The following TTC31 variants were observed in gnomAD, a reference collection of about 807,000 sequenced individuals.
TTC31 encodes the protein tetratricopeptide repeat domain 31, also known as tetratricopeptide repeat protein 31.
TTC31 carries 59 observed loss-of-function variants against 60.4 expected under a neutral mutation model. The ratio of observed to expected loss-of-function variants is 0.98; its 90% CI spans 0.79 to 1.21. TTC31 has a LOEUF of 1.21. Among genes scored for constraint, TTC31 ranks in the 50% most tolerant of loss-of-function variants. The probability of loss-of-function intolerance (pLI) is 0.00; values close to 1 mark genes in which losing one functional copy is unlikely to be tolerated. For synonymous variants in TTC31, 225 were observed against 249.6 expected (o/e 0.90, Z 0.93); for missense variants, 672 against 646.9 (o/e 1.04, Z -0.42).
chr2:74,491,670 C>T lies in TTC31; in HGVS notation c.874C>T (p.Gln292Ter). Residue 292 changes from glutamine (Q) to a stop codon, truncating the protein, a stop_gained and splice_region_variant, in exon 8 of 13, where the codon CAG becomes TAG. Transcript: ENST00000233623. LOFTEE classifies it high-confidence loss of function. ...EERPQQSPKV[Q>*]ASPGLLAAAL... ...GAGGCCCCAGCAGAGTCCAAAGGTACAGGTGAGGTGGCTGAAGAACCTTAT... is the reference window on the plus strand; with the variant it reads ...GAGGCCCCAGCAGAGTCCAAAGGTATAGGTGAGGTGGCTGAAGAACCTTAT... 3 of 1,613,958 alleles carry T rather than the reference C, an allele frequency of 1.9e-6. No homozygotes were observed. The highest frequency in any genetic ancestry group is 1.7e-6 in the Non-Finnish European group (2 of 1,179,916).
Position 74,493,961 on chromosome 2 carries a change from C to T in TTC31, c.*743C>T, listed in dbSNP as rs528526615. 2 of 152,354 alleles carry T rather than the reference C, an allele frequency of 1.3e-5. No individual in the cohort carries two copies. The highest frequency in any genetic ancestry group is 2.1e-4 in the South Asian group (1 of 4,830). The allele number at this position is 152,354 out of a possible 1,614,324, so 9.4% of individuals were successfully genotyped here. On this transcript the variant is annotated 3_prime_UTR_variant, in exon 13 of 13. Coordinates refer to ENST00000233623, the MANE Select transcript of TTC31 (RefSeq NM_022492.6). ...CAACCTTGGCCACTCTGTTTCTCCA[C>T]CCCAGCACTGGGCATGGTAATTAGC...
rs1029215634 is a variant in TTC31, at chr2:74,491,928, A to G, written c.877-76A>G. On this transcript the variant is annotated intron_variant, in intron 8 of 12. Coordinates refer to ENST00000233623, the MANE Select transcript of TTC31 (RefSeq NM_022492.6). ...GTTGGGTAATGCTAATTGCAGTGTT[A>G]CCTGTTTAAACAAAGGAGAAGGATT... is the stretch of plus-strand genomic sequence containing the variant. 15 of 1,607,934 alleles carry G rather than the reference A, an allele frequency of 9.3e-6. No homozygotes were observed. The African/African-American group carries it at 1.9e-4, about 20-fold the overall frequency.
chr2:74,484,322 T>C (rs1403924044), intron 2 of TTC31, among the ~76,000 whole-genome samples: 3 of 152,040 alleles, frequency 2.0e-5, no homozygotes, highest in African/African-American at 7.2e-5. Flanking sequence ...TGAGAGAACT[T>C]TACCAAAGTG....
chr2:74,492,878 C>G (rs1674095812), intron 12 of TTC31, 44 bp from the exon 13 acceptor site: 4 of 1,580,138 alleles, frequency 2.5e-6, no homozygotes, highest in Non-Finnish European at 3.5e-6. Flanking sequence ...ATGGGCTCTC[C>G]TGCTTAAAAG....
chr2:74,489,997 C>T, intron 2 of TTC31, 28 bp from the exon 3 acceptor site: 3 of 1,373,194 alleles, frequency 2.2e-6, no homozygotes, highest in South Asian at 1.3e-5. Context: ...CCAACACCAG[C>T]CTCCCCTCCC....
intron 2 of TTC31, among the ~76,000 whole-genome samples, chr2:74,489,049 C>T (rs550206947): frequency 1.1e-4 from 17 of 152,264 alleles, no homozygotes; most frequent in Middle Eastern, 3.4e-3. Flanking sequence ...GAGCAAGAAT[C>T]CACCTCAAAA....
At position 74,491,655 on chromosome 2, in the gene TTC31, C is replaced by G. The variant is rs1673906640; in HGVS notation, c.859C>G (p.Gln287Glu). The G allele has an allele frequency of 6.2e-7, 1 of 1,614,004 alleles. No individual in the cohort carries two copies. The highest frequency in any genetic ancestry group is 1.3e-5 in the African/African-American group (1 of 74,918). The change falls in exon 8 of 13, where the codon CAG becomes GAG. Residue 287 changes from glutamine (Q) to glutamate (E), a missense_variant. Gln to Glu is a conservative substitution (Grantham distance 29). Coordinates refer to ENST00000233623, the MANE Select transcript of TTC31 (RefSeq NM_022492.6). Reference protein sequence around the residue: ...ESPPREERPQQSPKVQASPGL... With the variant: ...ESPPREERPQESPKVQASPGL... ...CCCTCCAAGAGAGGAGAGGCCCCAG[C>G]AGAGTCCAAAGGTACAGGTGAGGTG... is the stretch of plus-strand genomic sequence containing the variant.
chr2:74,483,498 G>A (rs577023398), intron 2 of TTC31, 88 bp downstream of exon 2: 1 of 1,596,224 alleles, frequency 6.3e-7, no homozygotes, highest in Non-Finnish European at 8.5e-7. Context: ...CGACGGATGG[G>A]CGCCAGACGG....
Position 74,483,429 on chromosome 2 carries a change from T to C in TTC31, c.129+19T>C. Reference sequence around the variant, plus strand: ...CGAAGAGGTAAAAGCGACCCTCAGTTTCCCCCAGTCCTGCTCATTTTGGTC... The same window carrying C: ...CGAAGAGGTAAAAGCGACCCTCAGTCTCCCCCAGTCCTGCTCATTTTGGTC... On this transcript the variant is annotated intron_variant, in intron 2 of 12. Transcript: ENST00000233623. The C allele has an allele frequency of 6.2e-7, 1 of 1,614,130 alleles. No homozygotes were observed. The highest frequency in any genetic ancestry group is 8.5e-7 in the Non-Finnish European group (1 of 1,180,004).
rs765794063 is a variant in TTC31, at chr2:74,483,352, A to C, written c.71A>C (p.Glu24Ala). 21 of 1,613,890 alleles carry C rather than the reference A, an allele frequency of 1.3e-5. No individual in the cohort carries two copies. The South Asian group carries it at 1.8e-4, about 13-fold the overall frequency. ...TCTCTACGGCCCAGCTGCCCACTGG[A>C]GGTCGCTGCTGCACCCAAACTTTGC... is the stretch of plus-strand genomic sequence containing the variant. ...DCSLRPSCPL[E>A]VAAAPKLCKE... Residue 24 changes from glutamate (E) to alanine (A), a missense_variant, in exon 2 of 13, where the codon GAG becomes GCG. Glu to Ala is a moderately radical substitution (Grantham distance 107). Coordinates refer to ENST00000233623, the MANE Select transcript of TTC31 (RefSeq NM_022492.6).
At chr2:74,483,941 A>T (rs1488144653) in intron 2 of TTC31, among the ~76,000 whole-genome samples, 2 of 129,538 alleles carry the variant, frequency 1.5e-5, no homozygotes, top group Non-Finnish European at 3.4e-5. Flanking sequence ...GACTCTGTCT[A>T]AAAAAAAAAA....
chr2:74,486,466 T>C (rs1673118464), intron 2 of TTC31, among the ~76,000 whole-genome samples: 1 of 152,002 alleles, frequency 6.6e-6, no homozygotes, highest in Non-Finnish European at 1.5e-5. Flanking sequence ...TTCAACAAAT[T>C]AGGAGCATCT....
chr2:74,491,384 C>A lies in TTC31; in HGVS notation c.684+9C>A. On this transcript the variant is annotated intron_variant, in intron 7 of 12. Transcript: ENST00000233623. ...AGTGTGGTGAAGAAGAGGTGAGAGCCCCTTTTTTCCCTTCTTGGTCTCTGC... is the reference window on the plus strand; with the variant it reads ...AGTGTGGTGAAGAAGAGGTGAGAGCACCTTTTTTCCCTTCTTGGTCTCTGC... 6.2e-7 allele frequency: 1 copy of A among 1,614,198 alleles called. No individual in the cohort carries two copies. Among genetic ancestry groups the A allele is most frequent in the East Asian group, 2.2e-5 (1 of 44,888 alleles).
At position 74,493,822 on chromosome 2, in the gene TTC31, A is replaced by T. The variant is rs2104286975; in HGVS notation, c.*604A>T. 1 of 152,470 alleles carries T rather than the reference A, an allele frequency of 6.6e-6. No homozygotes were observed. Among genetic ancestry groups the T allele is most frequent in the South Asian group, 2.1e-4 (1 of 4,826 alleles). 9.4% of individuals were successfully genotyped at this position (152,470 alleles called of 1,614,324 possible). On this transcript the variant is annotated 3_prime_UTR_variant, in exon 13 of 13. Transcript: ENST00000233623. Reference sequence around the variant, plus strand: ...GCTAGAATATTCACCAAGGGTTTGCATTTGGGAAGTCCCTTACCAGCTCCT... The same window carrying T: ...GCTAGAATATTCACCAAGGGTTTGCTTTTGGGAAGTCCCTTACCAGCTCCT...
chr2:74,491,103 A>T (rs1237961345), intron 5 of TTC31, 25 bp from the exon 6 acceptor site: 1 of 1,614,022 alleles, frequency 6.2e-7, no homozygotes, highest in Non-Finnish European at 8.5e-7. Flanking sequence ...TTCAAAATAC[A>T]TCATTGTTAC....
At position 74,483,101 on chromosome 2, in the gene TTC31, G is replaced by C; in HGVS notation, c.6G>C (p.Ala2=). Residue 2 remains alanine, a synonymous_variant, in exon 1 of 13, where the codon GCG becomes GCC. Coordinates refer to ENST00000233623, the MANE Select transcript of TTC31 (RefSeq NM_022492.6). The part of the protein sequence containing the change: M[A]PIPKTVGRIK... ...TCCGGGTCACTGTAGATGCGATGGC[G>C]CCGATTCCAAAGACTGTGGGGCGGA... The C allele has an allele frequency of 6.2e-7, 1 of 1,614,192 alleles. No individual in the cohort carries two copies. Among genetic ancestry groups the C allele is most frequent in the Non-Finnish European group, 8.5e-7 (1 of 1,180,038 alleles).
Position 74,491,508 on chromosome 2 carries a change from G to T in TTC31, c.712G>T (p.Val238Leu). The change falls in exon 8 of 13, where the codon GTG (valine) becomes TTG (leucine). Residue 238 changes from valine to leucine, a missense_variant. Transcript: ENST00000233623. Reference protein sequence around the residue: ...EDSLDLSSTFVSLALRKVGDW... With the variant: ...EDSLDLSSTFLSLALRKVGDW... Reference sequence around the variant, plus strand: ...CTCACTGGATCTATCTAGCACTTTTGTGTCTCTGGCTTTGCGCAAGGTTGG... The same window carrying T: ...CTCACTGGATCTATCTAGCACTTTTTTGTCTCTGGCTTTGCGCAAGGTTGG... 6.2e-7 allele frequency: 1 copy of T among 1,603,830 alleles called. No individual in the cohort carries two copies. Among genetic ancestry groups the T allele is most frequent in the Non-Finnish European group, 8.5e-7 (1 of 1,177,400 alleles).
At position 74,494,406 on chromosome 2, in the gene TTC31, T is replaced by G. The variant is rs1191288419; in HGVS notation, c.*1188T>G. ...AGCTGGGTCACCTTGGATGGGTCTGTCAACATCTAAGCCTCAGTTCCCTCA... is the reference window on the plus strand; with the variant it reads ...AGCTGGGTCACCTTGGATGGGTCTGGCAACATCTAAGCCTCAGTTCCCTCA... On this transcript the variant is annotated 3_prime_UTR_variant, in exon 13 of 13. Coordinates refer to ENST00000233623, the MANE Select transcript of TTC31 (RefSeq NM_022492.6). The G allele has an allele frequency of 2.6e-5, 4 of 152,220 alleles. No homozygotes were observed. Among genetic ancestry groups the G allele is most frequent in the Non-Finnish European group, 5.9e-5 (4 of 68,048 alleles). 9.4% of individuals were successfully genotyped at this position (152,220 alleles called of 1,614,324 possible). A position where few individuals can be genotyped will look rare whatever the true frequency, so the allele number is the denominator to read the frequency against.
intron 2 of TTC31, among the ~76,000 whole-genome samples, chr2:74,484,452 GT>G (rs1406026330): frequency 6.6e-6 from 1 of 151,506 alleles, no homozygotes; most frequent in Non-Finnish European, 1.5e-5. Context: ...AGGCAACAGA[GT>G]TTTTTTGTTT....
Sources: allele counts gnomAD v4.1 joint callset (sites outside exome capture counted in the v4.1 genomes callset), GRCh38; gene constraint gnomAD v4.1.1; transcripts MANE v1.5; gene names NCBI Gene and HGNC (gene_info 2026-07-23, HGNC 2026-07-21).